DPP6: variants seen among roughly 807,000 people sequenced by gnomAD.
DPP6 encodes A-type potassium channel modulatory protein DPP6.
Under a neutral mutation model 122.6 loss-of-function variants are expected in DPP6, and 69 were observed. That is an observed-to-expected ratio of 0.56 (90% CI 0.46 to 0.69). The LOEUF is 0.69. Among genes scored for constraint, DPP6 ranks in the 30% least tolerant of loss-of-function variants. The pLI is 0.00. For missense variants in DPP6, 928 were observed against 1,116.9 expected (o/e 0.83, Z 2.41); for synonymous variants, 418 against 433.1 (o/e 0.97, Z 0.43).
At chr7:154,447,393 T>A (rs1278814318) in intron 2 of DPP6, among the ~76,000 whole-genome samples, 1 of 152,160 alleles carries the variant, frequency 6.6e-6, no homozygotes, top group Non-Finnish European at 1.5e-5. Flanking sequence ...TCCGTTCTCA[T>A]GATCATAGTA....
intron 1 of DPP6, among the ~76,000 whole-genome samples, chr7:153,996,918 AC>A (rs1186028901): frequency 1.3e-5 from 2 of 152,132 alleles, no homozygotes; most frequent in African/African-American, 2.4e-5. Flanking sequence ...GTTTGGAGTT[AC>A]CCCCATCATG....
chr7:154,835,008 G>A (rs564022580), intron 16 of DPP6, among the ~76,000 whole-genome samples: 12 of 152,310 alleles, frequency 7.9e-5, no homozygotes, highest in Admixed American at 2.6e-4. Flanking sequence ...TGACTTAGAC[G>A]TATAGGGTCA....
chr7:154,179,182 G>A (rs1046844446), intron 1 of DPP6, among the ~76,000 whole-genome samples: 1 of 152,210 alleles, frequency 6.6e-6, no homozygotes, highest in Non-Finnish European at 1.5e-5. Context: ...CAGAGAGGAG[G>A]AAGACTGAGT....
the DPP6 span, among the ~76,000 whole-genome samples, chr7:153,813,952 T>C: frequency 6.6e-6 from 1 of 152,066 alleles, no homozygotes; most frequent in South Asian, 2.1e-4. Flanking sequence ...GTTGAGAAAA[T>C]TTTCTCCCAT....
chr7:154,522,867 T>A (rs1827114294), intron 3 of DPP6, among the ~76,000 whole-genome samples: 1 of 152,220 alleles, frequency 6.6e-6, no homozygotes, highest in South Asian at 2.1e-4. Context: ...CCACCTTCGG[T>A]ATCTCCCACT....
rs193212947 is a variant in DPP6, at chr7:154,700,755, G to A, written c.763-27012G>A. 1.3e-4 allele frequency among the ~76,000 whole-genome samples: 20 copies of A among 151,118 alleles called. No homozygotes were observed. In the East Asian group the frequency reaches 3.7e-3, roughly 28 times the overall value. On this transcript the variant is annotated intron_variant, in intron 7 of 25. Transcript: ENST00000377770. ...CACACACACAGACCTCATCTGTCCA[G>A]GTAAATGAGATTCTCAATGAGATCA... is the stretch of plus-strand genomic sequence containing the variant.
chr7:154,395,952 T>A (rs1815045801), intron 1 of DPP6, among the ~76,000 whole-genome samples: 2 of 151,792 alleles, frequency 1.3e-5, no homozygotes, highest in Admixed American at 6.6e-5. Context: ...TTGAGTTTTT[T>A]TTTTTTTTAA....
intron 8 of DPP6, among the ~76,000 whole-genome samples, chr7:154,734,289 T>C (rs1842476677): frequency 1.3e-5 from 2 of 152,220 alleles, no homozygotes; most frequent in Non-Finnish European, 2.9e-5. Context: ...ATGCTGTTTT[T>C]AAAACTCCCT....
intron 1 of DPP6, among the ~76,000 whole-genome samples, chr7:154,425,709 C>T (rs1405345463): frequency 1.3e-5 from 2 of 151,196 alleles, no homozygotes; most frequent in African/African-American, 4.9e-5. Context: ...GTGGCATGAT[C>T]ATAGCTCACT....
intron 8 of DPP6, among the ~76,000 whole-genome samples, chr7:154,751,002 C>T (rs899446609): frequency 2.0e-5 from 3 of 152,174 alleles, no homozygotes; most frequent in African/African-American, 7.2e-5. Context: ...CCCGGATCCA[C>T]CCTTTATCAC....
At chr7:154,093,717 C>G (rs931263277) in intron 1 of DPP6, 1 of 152,058 alleles carries the variant, frequency 6.6e-6, no homozygotes, top group African/African-American at 2.4e-5. Flanking sequence ...ATCTCCCTAC[C>G]TCAACTTCTT....
intron 3 of DPP6, among the ~76,000 whole-genome samples, chr7:154,477,479 T>A (rs1384769622): frequency 6.6e-6 from 1 of 152,074 alleles, no homozygotes; most frequent in African/African-American, 2.4e-5. Context: ...AGGTATATAT[T>A]TTTATTAGAA....
At chr7:154,547,676 C>A (rs1015074879) in intron 4 of DPP6, among the ~76,000 whole-genome samples, 1 of 152,122 alleles carries the variant, frequency 6.6e-6, no homozygotes, top group Admixed American at 6.5e-5. Context: ...TATCTGTATT[C>A]ATTTCTGTCT....
intron 1 of DPP6, among the ~76,000 whole-genome samples, chr7:154,060,611 CT>C (rs375064927): frequency 0.21 from 20,998 of 100,296 alleles, 1,206 homozygotes; most frequent in South Asian, 0.29. Context: ...CTTCCCCCCC[CT>C]GGCTCTGAGG....
chr7:153,784,701 A>G, the DPP6 span, among the ~76,000 whole-genome samples: 1 of 152,198 alleles, frequency 6.6e-6, no homozygotes, highest in Non-Finnish European at 1.5e-5. Flanking sequence ...GGAGTCTGAA[A>G]AGATCTAGTG....
At chr7:154,550,970 A>G (rs954588932) in intron 4 of DPP6, among the ~76,000 whole-genome samples, 5 of 152,072 alleles carry the variant, frequency 3.3e-5, no homozygotes, top group African/African-American at 9.7e-5. Context: ...TCACCAATTT[A>G]TAAAAGACAG....
the DPP6 span, among the ~76,000 whole-genome samples, chr7:153,783,366 C>T: frequency 6.6e-6 from 1 of 150,580 alleles, no homozygotes; most frequent in African/African-American, 2.4e-5. Flanking sequence ...CAGACACTTA[C>T]AAACATCAGA....
chr7:154,472,967 A>G (rs1468215364), intron 2 of DPP6, among the ~76,000 whole-genome samples: 1 of 152,238 alleles, frequency 6.6e-6, no homozygotes, highest in Non-Finnish European at 1.5e-5. Context: ...CAGAAAGTGA[A>G]TACATTGCCT....
chr7:154,519,059 C>A (rs1238677940), intron 3 of DPP6, among the ~76,000 whole-genome samples: 1 of 152,168 alleles, frequency 6.6e-6, no homozygotes, highest in East Asian at 1.9e-4. Flanking sequence ...TACCTCCACC[C>A]ACTCGGAGCT....
Sources: gnomAD v4.1 joint callset for allele counts (sites outside exome capture counted in the v4.1 genomes callset) on GRCh38, gnomAD v4.1.1 for gene constraint, MANE v1.5 for transcripts, NCBI Gene and HGNC (gene_info 2026-07-23, HGNC 2026-07-21) for gene names.